The following LRIG3 variants were observed in gnomAD, a reference collection of about 807,000 sequenced individuals.
LRIG3 encodes leucine rich repeats and immunoglobulin like domains 3, also known as leucine-rich repeats and immunoglobulin-like domains protein 3.
Under a neutral mutation model 114.5 loss-of-function variants are expected in LRIG3, and 76 were observed. The observed-to-expected ratio is 0.66, with a 90% CI of 0.55 to 0.80. The LOEUF is 0.80. LRIG3 is among the 30% of genes least tolerant of loss of function. The probability of loss-of-function intolerance (pLI) is 0.00; values close to 1 mark genes in which losing one functional copy is unlikely to be tolerated. For missense variants in LRIG3, 1,239 were observed against 1,382.8 expected, an observed-to-expected ratio of 0.90 and a Z score of 1.65; for synonymous variants, 512 against 519.8, an observed-to-expected ratio of 0.98 and a Z score of 0.20.
At position 58,895,486 on chromosome 12, in the gene LRIG3, G is replaced by C. The variant is rs140609977; in HGVS notation, c.384-4690C>G. On this transcript the variant is annotated intron_variant, in intron 3 of 18. Coordinates refer to ENST00000320743, the MANE Select transcript of LRIG3 (RefSeq NM_153377.5). Reference sequence around the variant, plus strand: ...AGAGCAGAGCAAAGCTTCCCTTAGAGGAAATGAAGGAACACCTGATGGCTA... The same window carrying C: ...AGAGCAGAGCAAAGCTTCCCTTAGACGAAATGAAGGAACACCTGATGGCTA... Among the ~76,000 whole-genome samples the C allele has an allele frequency of 5.1e-3, 777 of 152,282 alleles. 10 individuals carry two copies. The highest frequency in any genetic ancestry group is 0.017 in the African/African-American group (710 of 41,554).
At chr12:58,893,228 A>C (rs1302470129) in intron 3 of LRIG3, among the ~76,000 whole-genome samples, 2 of 152,240 alleles carry the variant, frequency 1.3e-5, no homozygotes, top group African/African-American at 2.4e-5. Context: ...AGAACAAATT[A>C]AGAAAGCTTC....
chr12:58,886,743 T>C (rs1871287950), intron 9 of LRIG3, 67 bp downstream of exon 9: 2 of 1,321,472 alleles, frequency 1.5e-6, no homozygotes, highest in South Asian at 1.2e-5. Context: ...CTTGTATAGC[T>C]GACTTCAGTG....
intron 1 of LRIG3, chr12:58,919,516 C>A (rs1435458441): frequency 6.4e-7 from 1 of 1,551,294 alleles, no homozygotes; most frequent in South Asian, 1.2e-5. Context: ...GTTGAGGGGG[C>A]TTCCCAAATG....
chr12:58,904,152 C>A lies in LRIG3; in HGVS notation c.383+9830G>T, dbSNP rs534364735. On this transcript the variant is annotated intron_variant, in intron 3 of 18. Coordinates refer to ENST00000320743, the MANE Select transcript of LRIG3 (RefSeq NM_153377.5). Reference sequence around the variant, plus strand: ...AATTTAGTACTTAAGCAACTTTCAGCCAAAGAGAGAGGAGGTGGTACTGCT... The same window carrying A: ...AATTTAGTACTTAAGCAACTTTCAGACAAAGAGAGAGGAGGTGGTACTGCT... Among the ~76,000 whole-genome samples, 10 of 152,172 alleles carry A rather than the reference C, an allele frequency of 6.6e-5. No homozygotes were observed. In the South Asian group the frequency reaches 2.1e-3, roughly 32 times the overall value.
At chr12:58,900,450 T>C (rs1299964283) in intron 3 of LRIG3, among the ~76,000 whole-genome samples, 1 of 152,228 alleles carries the variant, frequency 6.6e-6, no homozygotes, top group Non-Finnish European at 1.5e-5. Flanking sequence ...CTTTTACTTT[T>C]ATTTTAAAGG....
At chr12:58,903,643 G>T (rs1410701358) in intron 3 of LRIG3, among the ~76,000 whole-genome samples, 4 of 151,912 alleles carry the variant, frequency 2.6e-5, no homozygotes, top group Non-Finnish European at 4.4e-5. Flanking sequence ...CCTTGCCCAT[G>T]CCTATGTCCT....
chr12:58,878,985 C>A lies in LRIG3; in HGVS notation c.1922G>T (p.Gly641Val), dbSNP rs767561505. The A allele has an allele frequency of 6.2e-7, 1 of 1,614,064 alleles. No individual in the cohort carries two copies. Among genetic ancestry groups the A allele is most frequent in the Non-Finnish European group, 8.5e-7 (1 of 1,180,040 alleles). ...CTCCCGTGCAGCTGGGAAGTCTGTG[C>A]CCCCATCCTTCTGCCAGGCTATCTG... is the stretch of plus-strand genomic sequence containing the variant. ...APQIAWQKDG[G>V]TDFPAARERR... The change falls in exon 14 of 19, where the codon GGC becomes GTC. Residue 641 changes from glycine (G) to valine (V), a missense_variant. By Grantham distance (109) the Gly-to-Val change is moderately radical. Transcript: ENST00000320743.
Position 58,876,580 on chromosome 12 carries a change from T to TA in LRIG3, c.2559dup (p.Ile854TyrfsTer3). The TA allele has an allele frequency of 6.2e-7, 1 of 1,614,194 alleles. No homozygotes were observed. On this transcript the variant is annotated frameshift_variant, in exon 16 of 19. Coordinates refer to ENST00000320743, the MANE Select transcript of LRIG3 (RefSeq NM_153377.5). LOFTEE classifies it high-confidence loss of function. The stretch of plus-strand genomic sequence containing the variant: ...CCCTGAGATGACAAATAACTAGGAA[T>TA]ATCTGCTGGCAAGTTGGTCTCATCT...
intron 3 of LRIG3, among the ~76,000 whole-genome samples, chr12:58,906,666 C>A (rs1046724697): frequency 6.6e-6 from 1 of 152,040 alleles, no homozygotes; most frequent in African/African-American, 2.4e-5. Flanking sequence ...CATAAGCCAA[C>A]GCTCCTATGA....
Position 58,885,835 on chromosome 12 carries a change from G to A in LRIG3, c.1240C>T (p.His414Tyr). The change falls in exon 10 of 19, where the codon CAT becomes TAT. Residue 414 changes from histidine to tyrosine, a missense_variant. His to Tyr is a moderately conservative substitution (Grantham distance 83, BLOSUM62 2). Transcript: ENST00000320743. The stretch of plus-strand genomic sequence containing the variant: ...AACTAAATTCTAGCTACTCACAGAT[G>A]CTCCAATGCATCCAAACCAGTGAAG... ...KAFTGLDALE[H>Y]LDLSDNAIMS... is the part of the protein sequence containing the mutation. The A allele has an allele frequency of 6.3e-7, 1 of 1,577,924 alleles. No individual in the cohort carries two copies. The highest frequency in any genetic ancestry group is 1.1e-5 in the South Asian group (1 of 87,766).
intron 1 of LRIG3, among the ~76,000 whole-genome samples, chr12:58,917,975 G>A (rs1299903373): frequency 6.6e-6 from 1 of 152,114 alleles, no homozygotes; most frequent in Non-Finnish European, 1.5e-5. Flanking sequence ...CCTTTCAAAA[G>A]TGGAAAGAGG....
intron 15 of LRIG3, 137 bp from the exon 16 acceptor site, chr12:58,876,740 C>G (rs1251483716): frequency 1.5e-5 from 13 of 844,614 alleles, no homozygotes; most frequent in Non-Finnish European, 2.4e-5. Flanking sequence ...AAAACCATCT[C>G]GATTGTACAG....
At chr12:58,883,649 G>T in intron 10 of LRIG3, 58 bp from the exon 11 acceptor site, 1 of 1,367,020 alleles carries the variant, frequency 7.3e-7, no homozygotes, top group Non-Finnish European at 1.0e-6. Context: ...CGTGCTTTTG[G>T]ACAAAGTTTG....
chr12:58,910,338 G>A (rs554724472), intron 3 of LRIG3, among the ~76,000 whole-genome samples: 7 of 152,316 alleles, frequency 4.6e-5, no homozygotes, highest in Admixed American at 1.3e-4. Context: ...GGCAGGGCGC[G>A]GTGGCTCACG....
intron 14 of LRIG3, 64 bp from the exon 15 acceptor site, chr12:58,877,916 A>G: frequency 1.4e-6 from 2 of 1,460,034 alleles, no homozygotes; most frequent in Non-Finnish European, 1.8e-6. Flanking sequence ...CATAAAATGT[A>G]GCATTTAAAC....
intron 3 of LRIG3, among the ~76,000 whole-genome samples, chr12:58,897,994 G>A (rs1871704078): frequency 6.6e-6 from 1 of 152,150 alleles, no homozygotes; most frequent in Non-Finnish European, 1.5e-5. Context: ...ATGGGTACAA[G>A]ACCCCAGAGT....
At chr12:58,891,392 G>A (rs769370117) in intron 3 of LRIG3, among the ~76,000 whole-genome samples, 2 of 152,196 alleles carry the variant, frequency 1.3e-5, no homozygotes, top group Middle Eastern at 3.4e-3. Flanking sequence ...ACAGGTGTGA[G>A]CCACCACACC....
intron 3 of LRIG3, among the ~76,000 whole-genome samples, chr12:58,904,460 A>G (rs1871985808): frequency 6.6e-6 from 1 of 152,216 alleles, no homozygotes; most frequent in African/African-American, 2.4e-5. Flanking sequence ...GGCTATTACT[A>G]GAATGAAGGT....
In LRIG3 at chr12:58,892,782, G is replaced by A. The variant is rs905404715; in HGVS notation, c.384-1986C>T. On this transcript the variant is annotated intron_variant, in intron 3 of 18. Transcript: ENST00000320743. ...CATTACAAAACATCTTAAAATTAGG[G>A]CTTTTCACCTAACAAGTTCAAGCAT... is the stretch of plus-strand genomic sequence containing the variant. Among the ~76,000 whole-genome samples, 9 of 152,182 alleles carry A rather than the reference G, an allele frequency of 5.9e-5. 1 individual carries two copies. Among genetic ancestry groups the A allele is most frequent in the African/African-American group, 2.2e-4 (9 of 41,516 alleles).
Sources: allele counts gnomAD v4.1 joint callset (sites outside exome capture counted in the v4.1 genomes callset), GRCh38; gene constraint gnomAD v4.1.1; transcripts MANE v1.5; gene names NCBI Gene and HGNC (gene_info 2026-07-23, HGNC 2026-07-21).